The following DDR2 variants were observed in gnomAD, a reference collection of about 807,000 sequenced individuals.
DDR2 encodes the protein discoidin domain-containing receptor 2.
A neutral mutation model predicts 94.9 loss-of-function variants in DDR2; 27 were observed. The ratio of observed to expected loss-of-function variants is 0.28; its 90% CI spans 0.21 to 0.39. DDR2 has a LOEUF of 0.39. Ranked by LOEUF, DDR2 falls within the 10% of genes least tolerant of loss-of-function variation. DDR2 has a pLI of 1.00. For missense variants in DDR2, 783 were observed against 1,076.0 expected (o/e 0.73, Z 3.81); for synonymous variants, 382 against 377.2 (o/e 1.01, Z -0.15).
intron 14 of DDR2, 65 bp downstream of exon 14, chr1:162,773,661 G>T: frequency 6.2e-7 from 1 of 1,603,946 alleles, no homozygotes; most frequent in Non-Finnish European, 8.5e-7. Context: ...AATACTCCTG[G>T]ATACTTCTGA....
intron 14 of DDR2, among the ~76,000 whole-genome samples, chr1:162,774,451 A>G (rs940036119): frequency 6.6e-6 from 1 of 152,228 alleles, no homozygotes; most frequent in Non-Finnish European, 1.5e-5. Flanking sequence ...CTTCATTAAA[A>G]GTCTTGCAAT....
intron 6 of DDR2, 23 bp from the exon 7 acceptor site, chr1:162,755,641 A>G: frequency 6.2e-7 from 1 of 1,609,402 alleles, no homozygotes; most frequent in Non-Finnish European, 8.5e-7. Flanking sequence ...GTAGGCACTC[A>G]CTTGGCTGTG....
intron 3 of DDR2, among the ~76,000 whole-genome samples, chr1:162,750,936 T>C (rs1663160568): frequency 6.6e-6 from 1 of 152,218 alleles, no homozygotes; most frequent in Non-Finnish European, 1.5e-5. Flanking sequence ...GAAAACTGGC[T>C]AGCCATACGT....
intron 9 of DDR2, among the ~76,000 whole-genome samples, chr1:162,762,403 T>C (rs1465044829): frequency 6.6e-6 from 1 of 152,228 alleles, no homozygotes; most frequent in Non-Finnish European, 1.5e-5. Context: ...ATGCTGAACT[T>C]CATCATGGGG....
At chr1:162,657,770 C>A (rs565128915) in intron 2 of DDR2, among the ~76,000 whole-genome samples, 1 of 152,114 alleles carries the variant, frequency 6.6e-6, no homozygotes, top group African/African-American at 2.4e-5. Flanking sequence ...GTGGTGGTAC[C>A]CCTAGTCAGT....
rs1358982393 is a variant in DDR2 at position 162,715,367 on chromosome 1, GGGA to G, written c.-27-3669_-27-3667del. ...GTTTTTAGAGCATGTAACAATCAAG[GGGA>G]TGAGAGAATATTTTGCTGAGAAAGT... On this transcript the variant is annotated intron_variant, in intron 2 of 17. Transcript: ENST00000367921. Among the ~76,000 whole-genome samples the G allele has an allele frequency of 3.3e-5, 5 of 152,244 alleles. No individual in the cohort carries two copies. The South Asian group carries it at 1.0e-3, about 32-fold the overall frequency.
At chr1:162,743,739 C>T (rs909494205) in intron 3 of DDR2, among the ~76,000 whole-genome samples, 5 of 152,176 alleles carry the variant, frequency 3.3e-5, no homozygotes, top group Non-Finnish European at 5.9e-5. Flanking sequence ...ATAGACTGCA[C>T]ACATTAAAAA....
chr1:162,715,624 C>T (rs1295733739), intron 2 of DDR2, among the ~76,000 whole-genome samples: 4 of 152,076 alleles, frequency 2.6e-5, no homozygotes, highest in African/African-American at 9.7e-5. Flanking sequence ...CAACAAAAAC[C>T]CATGTGGATT....
At chr1:162,711,829 C>T (rs544701656) in intron 2 of DDR2, among the ~76,000 whole-genome samples, 21 of 152,146 alleles carry the variant, frequency 1.4e-4, no homozygotes, top group Admixed American at 4.6e-4. Context: ...TTTATACACA[C>T]ACATGCACAC....
intron 3 of DDR2, among the ~76,000 whole-genome samples, chr1:162,728,901 C>T (rs1008056792): frequency 9.9e-5 from 15 of 152,146 alleles, no homozygotes; most frequent in African/African-American, 3.6e-4. Flanking sequence ...TAAATCTCTG[C>T]ACCTCACTTT....
At chr1:162,752,816 A>G (rs145786030) in intron 3 of DDR2, among the ~76,000 whole-genome samples, 3 of 152,300 alleles carry the variant, frequency 2.0e-5, no homozygotes, top group African/African-American at 7.2e-5. Flanking sequence ...CAAAGCATAA[A>G]TTGGCACATT....
At chr1:162,693,708 G>A (rs919091943) in intron 2 of DDR2, among the ~76,000 whole-genome samples, 2 of 152,132 alleles carry the variant, frequency 1.3e-5, no homozygotes, top group African/African-American at 2.4e-5. Context: ...TGGGGTGGTC[G>A]AAGAGGACCT....
In DDR2 at chr1:162,699,639, C is replaced by T. The variant is rs145954940; in HGVS notation, c.-27-19398C>T. 1.4e-4 allele frequency among the ~76,000 whole-genome samples: 21 copies of T among 152,276 alleles called. 1 individual carries two copies. The East Asian group carries it at 4.0e-3, about 29-fold the overall frequency. On this transcript the variant is annotated intron_variant, in intron 2 of 17. Coordinates refer to ENST00000367921, the MANE Select transcript of DDR2 (RefSeq NM_006182.4). ...CCATTCTCTGCTTCTTGTTTGTTGT[C>T]TTCAAAACATGAAAAAATAAAAGCA...
intron 9 of DDR2, among the ~76,000 whole-genome samples, chr1:162,763,610 T>C (rs925544080): frequency 2.0e-5 from 3 of 152,092 alleles, no homozygotes; most frequent in African/African-American, 7.2e-5. Flanking sequence ...ATTTTGAACA[T>C]GTACAGCACC....
At chr1:162,672,891 G>C (rs74603209) in intron 2 of DDR2, among the ~76,000 whole-genome samples, 304 of 152,252 alleles carry the variant, frequency 2.0e-3, no homozygotes, top group African/African-American at 6.9e-3. Flanking sequence ...CCCACTCAGA[G>C]ACATGGAAAA....
chr1:162,723,591 C>G (rs1484965271), intron 3 of DDR2, among the ~76,000 whole-genome samples: 1 of 152,094 alleles, frequency 6.6e-6, no homozygotes, highest in Admixed American at 6.6e-5. Context: ...AGTCTGAAGC[C>G]CTGGGACCCA....
At chr1:162,684,603 G>A (rs1338101764) in intron 2 of DDR2, among the ~76,000 whole-genome samples, 1 of 152,070 alleles carries the variant, frequency 6.6e-6, no homozygotes, top group East Asian at 1.9e-4. Context: ...AGAAGTCTGT[G>A]AATAAGAGAT....
rs2102195446 is a variant in DDR2, at chr1:162,775,688, G to A, written c.1893G>A (p.Arg631=). ...DFLKEIKIMS[R]LKDPNIIHLL... is the part of the protein sequence containing the mutation. ...TTAAGGAGATAAAGATCATGTCTCG[G>A]CTCAAGGACCCAAACATCATCCATC... The change falls in exon 15 of 18, where the codon CGG becomes CGA. Residue 631 remains arginine, a synonymous_variant. Transcript: ENST00000367921. 3 of 1,614,028 alleles carry A rather than the reference G, an allele frequency of 1.9e-6. No homozygotes were observed. Among genetic ancestry groups the A allele is most frequent in the South Asian group, 2.2e-5 (2 of 91,076 alleles).
intron 2 of DDR2, among the ~76,000 whole-genome samples, chr1:162,670,220 C>T (rs1458192339): frequency 6.6e-6 from 1 of 152,204 alleles, no homozygotes; most frequent in Non-Finnish European, 1.5e-5. Flanking sequence ...AAGCAATTCT[C>T]CTGTCTCAGC....
Sources: allele counts gnomAD v4.1 joint callset (sites outside exome capture counted in the v4.1 genomes callset), GRCh38; gene constraint gnomAD v4.1.1; transcripts MANE v1.5; gene names NCBI Gene and HGNC (gene_info 2026-07-23, HGNC 2026-07-21).